Variants in ITGB1 observed in about 807,000 individuals in gnomAD.
ITGB1 encodes integrin subunit beta 1.
ITGB1 carries 24 observed loss-of-function variants against 86.5 expected under a neutral mutation model. That is an observed-to-expected ratio of 0.28 (90% confidence interval 0.20 to 0.39). The LOEUF (loss-of-function observed/expected upper bound fraction) is 0.39. Among genes scored for constraint, ITGB1 ranks in the 10% least tolerant of loss-of-function variants. The pLI, the probability that ITGB1 is intolerant of heterozygous loss-of-function variation, is 1.00. For missense variants in ITGB1, 556 were observed against 946.9 expected, an observed-to-expected ratio of 0.59 and a Z score of 5.42; for synonymous variants, 323 against 316.8, an observed-to-expected ratio of 1.02 and a Z score of -0.21.
At chr10:32,944,792 G>A in intron 1 of ITGB1, 1 of 784,614 alleles carries the variant, frequency 1.3e-6, no homozygotes, top group Non-Finnish European at 2.3e-6. Context: ...CAGTGGCTGA[G>A]TCTACAACAT....
At chr10:32,950,266 A>C (rs976264477) in intron 1 of ITGB1, among the ~76,000 whole-genome samples, 13 of 152,192 alleles carry the variant, frequency 8.5e-5, no homozygotes, top group African/African-American at 3.1e-4. Context: ...ATTGAAAGAC[A>C]TGAGGTTCCT....
At chr10:32,904,221 A>G (rs557780798) in intron 15 of ITGB1, among the ~76,000 whole-genome samples, 2 of 152,346 alleles carry the variant, frequency 1.3e-5, no homozygotes, top group Non-Finnish European at 1.5e-5. Context: ...ATCATTTTAA[A>G]TGAAGGTAAA....
intron 4 of ITGB1, among the ~76,000 whole-genome samples, chr10:32,928,781 T>C (rs1346343420): frequency 6.6e-6 from 1 of 151,366 alleles, no homozygotes; most frequent in East Asian, 1.9e-4. Flanking sequence ...TTATTATCAT[T>C]ATGAGGCAAA....
chr10:32,955,153 A>G (rs1252136844), intron 1 of ITGB1, among the ~76,000 whole-genome samples: 1 of 152,206 alleles, frequency 6.6e-6, no homozygotes, highest in East Asian at 1.9e-4. Context: ...AGACGAATGT[A>G]CCTTTCTGTA....
chr10:32,944,484 G>A, intron 1 of ITGB1: 1 of 378,094 alleles, frequency 2.6e-6, no homozygotes, highest in Non-Finnish European at 5.1e-6. Flanking sequence ...ACACTGTGAA[G>A]CACCTCTCTA....
chr10:32,937,770 T>C (rs1390796792), intron 1 of ITGB1, among the ~76,000 whole-genome samples: 2 of 152,156 alleles, frequency 1.3e-5, no homozygotes, highest in African/African-American at 4.8e-5. Flanking sequence ...TAGGGTCTTC[T>C]TTCTACTTTC....
At chr10:32,936,145 T>C (rs2095000967) in intron 1 of ITGB1, 1 of 152,262 alleles carries the variant, frequency 6.6e-6, no homozygotes, top group East Asian at 1.9e-4. Context: ...TTTAAGAAAA[T>C]CAACTTCTGC....
chr10:32,956,748 C>T (rs1287622422), intron 1 of ITGB1, among the ~76,000 whole-genome samples: 5 of 152,108 alleles, frequency 3.3e-5, no homozygotes, highest in Admixed American at 1.3e-4. Context: ...CCTAAGTTAA[C>T]CATGTGGCAT....
Position 32,929,733 on chromosome 10 carries a change from T to G in ITGB1, c.376+89A>C, listed in dbSNP as rs188226398. 2.9e-3 allele frequency: 2,313 copies of G among 788,650 alleles called. 7 individuals carry two copies. Among genetic ancestry groups the G allele is most frequent in the Non-Finnish European group, 4.2e-3 (1,896 of 453,484 alleles). The allele number at this position is 788,650 out of a possible 1,614,324, so 48.9% of individuals were successfully genotyped here. On this transcript the variant is annotated intron_variant, in intron 4 of 15. Coordinates refer to ENST00000302278, the MANE Select transcript of ITGB1 (RefSeq NM_002211.4). ...GCCAGTCCACATGTAAAAACGAGCC[T>G]TCAACAGAAACTGGTCAGAGTTTGC...
At chr10:32,919,569 A>G (rs2094942286) in intron 11 of ITGB1, among the ~76,000 whole-genome samples, 1 of 152,160 alleles carries the variant, frequency 6.6e-6, no homozygotes, top group Non-Finnish European at 1.5e-5. Flanking sequence ...ATTTTACACA[A>G]GCTTATTTTG....
intron 6 of ITGB1, 104 bp from the exon 7 acceptor site, chr10:32,923,844 G>T: frequency 1.1e-6 from 1 of 914,102 alleles, no homozygotes; most frequent in Non-Finnish European, 1.6e-6. Flanking sequence ...ACCTAATTCT[G>T]TATTTTCTGT....
chr10:32,915,084 G>A (rs939842297), intron 11 of ITGB1, among the ~76,000 whole-genome samples: 3 of 152,156 alleles, frequency 2.0e-5, no homozygotes, highest in Admixed American at 2.0e-4. Context: ...ATAACAAAAT[G>A]AAGGCAGAAA....
chr10:32,914,176 G>A (rs942561079), intron 11 of ITGB1, among the ~76,000 whole-genome samples: 1 of 152,204 alleles, frequency 6.6e-6, no homozygotes, highest in Non-Finnish European at 1.5e-5. Context: ...ACTAAACATG[G>A]AAAGGAACAA....
At chr10:32,927,726 G>A (rs1036442096) in intron 5 of ITGB1, among the ~76,000 whole-genome samples, 1 of 151,050 alleles carries the variant, frequency 6.6e-6, no homozygotes, top group African/African-American at 2.4e-5. Context: ...CCCGGGAAGC[G>A]GAGGTTGCAG....
intron 1 of ITGB1, among the ~76,000 whole-genome samples, chr10:32,952,106 G>A (rs577124110): frequency 6.6e-6 from 1 of 151,888 alleles, no homozygotes; most frequent in South Asian, 2.1e-4. Context: ...GATAAACATA[G>A]GAAAAAAAGT....
intron 1 of ITGB1, among the ~76,000 whole-genome samples, chr10:32,948,970 T>TAAAAAAAAAAAAAAA (rs1565834469): frequency 3.1e-5 from 2 of 64,660 alleles, no homozygotes; most frequent in Non-Finnish European, 5.2e-5. Context: ...TGTGGATTAC[T>TAAAAAAAAAAAAAAA]GAAAAAAAAA....
At chr10:32,945,906 T>TA (rs1294236158) in intron 1 of ITGB1, among the ~76,000 whole-genome samples, 3 of 152,228 alleles carry the variant, frequency 2.0e-5, no homozygotes, top group Non-Finnish European at 4.4e-5. Context: ...CAATTTGCTA[T>TA]AAAAATGTAT....
chr10:32,939,237 GA>G (rs1233291383), intron 1 of ITGB1, among the ~76,000 whole-genome samples: 1 of 152,162 alleles, frequency 6.6e-6, no homozygotes, highest in Non-Finnish European at 1.5e-5. Flanking sequence ...AGTATGAGGG[GA>G]TAACAGGGAA....
chr10:32,945,917 C>T (rs2095030373), intron 1 of ITGB1, among the ~76,000 whole-genome samples: 1 of 152,114 alleles, frequency 6.6e-6, no homozygotes, highest in Non-Finnish European at 1.5e-5. Flanking sequence ...AAAAATGTAT[C>T]AATTAACATA....
Sources: allele counts gnomAD v4.1 joint callset (sites outside exome capture counted in the v4.1 genomes callset), GRCh38; gene constraint gnomAD v4.1.1; transcripts MANE v1.5; gene names NCBI Gene and HGNC (gene_info 2026-07-23, HGNC 2026-07-21).